Variants in NTRK2 observed in about 807,000 individuals in gnomAD.
NTRK2 encodes the protein BDNF/NT-3 growth factors receptor.
A neutral mutation model predicts 94.5 loss-of-function variants in NTRK2; 13 were observed. The observed-to-expected ratio is 0.14, with a 90% CI of 0.09 to 0.22. NTRK2 has a LOEUF of 0.22. Ranked by LOEUF, NTRK2 falls within the 10% of genes least tolerant of loss-of-function variation. NTRK2 has a pLI of 1.00. For missense variants in NTRK2, 639 were observed against 1,071.2 expected, an observed-to-expected ratio of 0.60 and a Z score of 5.63; for synonymous variants, 372 against 407.4, an observed-to-expected ratio of 0.91 and a Z score of 1.05.
At chr9:84,959,385 C>T (rs1273977339) in intron 17 of NTRK2, among the ~76,000 whole-genome samples, 1 of 152,104 alleles carries the variant, frequency 6.6e-6, no homozygotes, top group Non-Finnish European at 1.5e-5. Flanking sequence ...ATAAAATGTT[C>T]CTTATCTTTA....
At chr9:84,915,660 G>A (rs140837784) in intron 14 of NTRK2, among the ~76,000 whole-genome samples, 4 of 152,226 alleles carry the variant, frequency 2.6e-5, no homozygotes, top group African/African-American at 4.8e-5. Context: ...TTATATCAAG[G>A]GAAAGGGACT....
rs148918445 is a variant in NTRK2 at position 84,835,017 on chromosome 9, C to G, written c.1397-26023C>G. Among the ~76,000 whole-genome samples the G allele has an allele frequency of 3.3e-5, 5 of 152,232 alleles. No homozygotes were observed. In the South Asian group the frequency reaches 8.3e-4, roughly 25 times the overall value. ...TCCTGGTAGTGGGTATGGCCTTAGT[C>G]TTCTCTCTTGGGTAGGTGATATTCC... On this transcript the variant is annotated intron_variant, in intron 12 of 18. Transcript: ENST00000277120.
At chr9:84,789,206 A>C (rs1442011986) in intron 12 of NTRK2, among the ~76,000 whole-genome samples, 1 of 152,188 alleles carries the variant, frequency 6.6e-6, no homozygotes, top group Non-Finnish European at 1.5e-5. Context: ...ACAGGGACAC[A>C]CAGAGAGGCT....
At chr9:84,795,929 A>G (rs1016310342) in intron 12 of NTRK2, among the ~76,000 whole-genome samples, 12 of 151,220 alleles carry the variant, frequency 7.9e-5, no homozygotes, top group Non-Finnish European at 1.5e-4. Context: ...TATAGATGTC[A>G]CAATGTCACT....
intron 14 of NTRK2, among the ~76,000 whole-genome samples, chr9:84,929,801 A>G (rs1221273903): frequency 6.6e-6 from 1 of 152,192 alleles, no homozygotes; most frequent in East Asian, 1.9e-4. Flanking sequence ...ACCTCAAGTG[A>G]TCAGCCCACC....
At chr9:85,011,879 C>T (rs1831615757) in intron 17 of NTRK2, among the ~76,000 whole-genome samples, 1 of 152,102 alleles carries the variant, frequency 6.6e-6, no homozygotes, top group Non-Finnish European at 1.5e-5. Context: ...CCCTTGAGAT[C>T]CCTCATCTTT....
intron 17 of NTRK2, among the ~76,000 whole-genome samples, chr9:85,005,811 C>G (rs1288405224): frequency 6.6e-6 from 1 of 152,220 alleles, no homozygotes; most frequent in Non-Finnish European, 1.5e-5. Context: ...CTCAGAAAAG[C>G]CTTGACTGAC....
chr9:84,700,907 T>C (rs1379947008), intron 2 of NTRK2, among the ~76,000 whole-genome samples: 1 of 152,214 alleles, frequency 6.6e-6, no homozygotes, highest in Non-Finnish European at 1.5e-5. Context: ...TTTCTCCATC[T>C]GTCCATCCAT....
chr9:84,910,429 T>C (rs2077205302), intron 14 of NTRK2, among the ~76,000 whole-genome samples: 1 of 152,128 alleles, frequency 6.6e-6, no homozygotes, highest in African/African-American at 2.4e-5. Flanking sequence ...CAATCTCTTG[T>C]CTCCCTTTTC....
At chr9:84,876,147 C>A in intron 14 of NTRK2, 1 of 1,039,966 alleles carries the variant, frequency 9.6e-7, no homozygotes, top group Non-Finnish European at 1.2e-6. Context: ...GGAACCCAAG[C>A]TCCTCATTAG....
chr9:84,807,779 A>G (rs570589652), intron 12 of NTRK2, among the ~76,000 whole-genome samples: 1 of 152,152 alleles, frequency 6.6e-6, no homozygotes. Flanking sequence ...TGAGATCCTG[A>G]TAGGTAAATC....
chr9:84,779,001 A>G (rs1180899255), intron 12 of NTRK2, among the ~76,000 whole-genome samples: 3 of 152,210 alleles, frequency 2.0e-5, no homozygotes, highest in African/African-American at 4.8e-5. Flanking sequence ...AGCATTTAAC[A>G]GAAGGGAGGA....
chr9:84,743,531 T>C (rs896923116), intron 10 of NTRK2, among the ~76,000 whole-genome samples: 1 of 152,214 alleles, frequency 6.6e-6, no homozygotes, highest in Non-Finnish European at 1.5e-5. Flanking sequence ...TTGTGTGTTG[T>C]TGTGTTTGTA....
At chr9:84,976,452 G>A (rs4581133) in intron 17 of NTRK2, among the ~76,000 whole-genome samples, 33,406 of 152,058 alleles carry the variant, frequency 0.22, 4,430 homozygotes, top group African/African-American at 0.37. Context: ...GGAATTTGGC[G>A]GGGACATAAT....
intron 2 of NTRK2, among the ~76,000 whole-genome samples, chr9:84,689,726 C>G (rs1013476841): frequency 1.3e-5 from 2 of 152,072 alleles, no homozygotes; most frequent in Non-Finnish European, 2.9e-5. Context: ...CATCCATTTC[C>G]AGAACTCTTT....
chr9:84,814,876 A>T, intron 12 of NTRK2: 1 of 1,062,654 alleles, frequency 9.4e-7, no homozygotes. Context: ...ACTTGACTCC[A>T]AGGAAATTAG....
chr9:84,924,228 G>GAAAGAAAGAAAGAAAGA (rs1564468564), intron 14 of NTRK2, among the ~76,000 whole-genome samples: 9 of 92,426 alleles, frequency 9.7e-5, no homozygotes, highest in African/African-American at 3.3e-4. Flanking sequence ...AAGAAAGAAA[G>GAAAGAAAGAAAGAAAGA]TAGAAAGAAA....
At chr9:84,873,802 C>T (rs2075962492) in intron 14 of NTRK2, 1 of 1,055,948 alleles carries the variant, frequency 9.5e-7, no homozygotes, top group Non-Finnish European at 1.1e-6. Flanking sequence ...AAATATCACC[C>T]AAGTATAGTA....
intron 12 of NTRK2, among the ~76,000 whole-genome samples, chr9:84,830,468 A>G (rs2073471316): frequency 6.6e-6 from 1 of 151,810 alleles, no homozygotes; most frequent in African/African-American, 2.4e-5. Flanking sequence ...CTGTCTCCTT[A>G]TGCTTTAGAG....
Sources: gnomAD v4.1 joint callset for allele counts (sites outside exome capture counted in the v4.1 genomes callset) on GRCh38, gnomAD v4.1.1 for gene constraint, MANE v1.5 for transcripts, NCBI Gene and HGNC (gene_info 2026-07-23, HGNC 2026-07-21) for gene names.